The following TLK2 variants were observed in gnomAD, a reference collection of about 807,000 sequenced individuals.
TLK2 encodes the protein tousled like kinase 2.
In TLK2, 6 loss-of-function variants were observed where a neutral mutation model predicts 117.3. The ratio of observed to expected loss-of-function variants is 0.05; its 90% CI spans 0.03 to 0.10. The LOEUF is 0.10. Ranked by LOEUF, TLK2 falls within the 10% of genes least tolerant of loss-of-function variation. The pLI, the probability that TLK2 is intolerant of heterozygous loss-of-function variation, is 1.00. For synonymous variants in TLK2, 257 were observed against 316.7 expected, an observed-to-expected ratio of 0.81 and a Z score of 2.00; for missense variants, 299 against 901.2, an observed-to-expected ratio of 0.33 and a Z score of 8.56.
intron 1 of TLK2, among the ~76,000 whole-genome samples, chr17:62,471,653 A>AG (rs2070941530): frequency 1.1e-5 from 1 of 88,526 alleles, no homozygotes; most frequent in Non-Finnish European, 2.7e-5. Context: ...AGTATCAGAA[A>AG]GAGTTCTAAG....
At chr17:62,513,682 T>G (rs2075337233) in intron 2 of TLK2, among the ~76,000 whole-genome samples, 1 of 151,792 alleles carries the variant, frequency 6.6e-6, no homozygotes, top group Non-Finnish European at 1.5e-5. Flanking sequence ...TGTGGGTCTG[T>G]TTTTTTTGTT....
intron 6 of TLK2, among the ~76,000 whole-genome samples, chr17:62,527,221 C>T (rs184664677): frequency 6.6e-6 from 1 of 152,210 alleles, no homozygotes; most frequent in Admixed American, 6.5e-5. Context: ...GCCAACTTCT[C>T]TAAAATAGCA....
At chr17:62,526,691 C>T (rs1232223079) in intron 6 of TLK2, among the ~76,000 whole-genome samples, 1 of 106,966 alleles carries the variant, frequency 9.3e-6, no homozygotes, top group Non-Finnish European at 2.3e-5. Context: ...CTGCCTTGTC[C>T]TGGTAAATGA....
chr17:62,512,996 A>G (rs2075282988), intron 2 of TLK2, among the ~76,000 whole-genome samples: 1 of 151,080 alleles, frequency 6.6e-6, no homozygotes, highest in Non-Finnish European at 1.5e-5. Flanking sequence ...CTCCTGCCTC[A>G]GCCTCCCAGG....
At chr17:62,567,586 T>C (rs1354267853) in intron 11 of TLK2, among the ~76,000 whole-genome samples, 1 of 152,202 alleles carries the variant, frequency 6.6e-6, no homozygotes, top group Admixed American at 6.5e-5. Context: ...TTTCCTTCAG[T>C]ATAGAAATTG....
chr17:62,589,257 C>T (rs182684985), intron 16 of TLK2, among the ~76,000 whole-genome samples: 52 of 151,966 alleles, frequency 3.4e-4, no homozygotes, highest in African/African-American at 8.7e-4. Context: ...AAAATTCTGC[C>T]GTAGGAAAAA....
intron 2 of TLK2, among the ~76,000 whole-genome samples, chr17:62,512,038 G>A (rs1161144653): frequency 2.0e-5 from 3 of 152,128 alleles, no homozygotes; most frequent in African/African-American, 4.8e-5. Context: ...ATATATGTAA[G>A]TGATTCAGTT....
intron 2 of TLK2, among the ~76,000 whole-genome samples, chr17:62,499,805 C>T (rs1040099240): frequency 6.0e-5 from 9 of 150,390 alleles, no homozygotes; most frequent in African/African-American, 1.5e-4. Flanking sequence ...GAGCTGAGAT[C>T]GTGCAATTGC....
intron 7 of TLK2, among the ~76,000 whole-genome samples, chr17:62,544,526 A>G (rs1260539682): frequency 6.6e-6 from 1 of 152,168 alleles, no homozygotes; most frequent in Non-Finnish European, 1.5e-5. Context: ...GAGGAGTACA[A>G]TTCAACATGA....
chr17:62,546,360 T>TTTTTTTTTTTTTTTTTTTTTTTA (rs1555628571), intron 7 of TLK2, among the ~76,000 whole-genome samples: 1 of 98,862 alleles, frequency 1.0e-5, no homozygotes, highest in African/African-American at 3.5e-5. Flanking sequence ...TTTTTTTTTT[T>TTTTTTTTTTTTTTTTTTTTTTTA]ACATAATGAA....
At chr17:62,595,342 C>T (rs903629702) in intron 16 of TLK2, among the ~76,000 whole-genome samples, 3 of 148,928 alleles carry the variant, frequency 2.0e-5, no homozygotes, top group Non-Finnish European at 4.4e-5. Context: ...ATTTAAGGGC[C>T]TGCTGTATAG....
intron 6 of TLK2, among the ~76,000 whole-genome samples, chr17:62,530,526 T>C (rs192575642): frequency 3.9e-5 from 6 of 152,274 alleles, no homozygotes; most frequent in Admixed American, 3.9e-4. Flanking sequence ...TTGAAGTCAG[T>C]TGTATCTTCA....
intron 16 of TLK2, among the ~76,000 whole-genome samples, chr17:62,594,894 T>TA (rs1176894952): frequency 6.6e-6 from 1 of 151,868 alleles, no homozygotes; most frequent in Non-Finnish European, 1.5e-5. Flanking sequence ...GAAAGCAGAA[T>TA]AACCTGAGAA....
At chr17:62,611,587 C>A (rs1406744739) in intron 21 of TLK2, among the ~76,000 whole-genome samples, 1 of 152,218 alleles carries the variant, frequency 6.6e-6, no homozygotes, top group Non-Finnish European at 1.5e-5. Flanking sequence ...CACATCACAT[C>A]CTTGTCACCC....
At chr17:62,485,220 A>G (rs949549965) in intron 2 of TLK2, among the ~76,000 whole-genome samples, 6 of 152,174 alleles carry the variant, frequency 3.9e-5, no homozygotes, top group Admixed American at 3.9e-4. Context: ...ACTATTCATA[A>G]CATTTTTCAG....
At chr17:62,580,616 T>C (rs1302095597) in intron 15 of TLK2, among the ~76,000 whole-genome samples, 1 of 152,232 alleles carries the variant, frequency 6.6e-6, no homozygotes, top group Non-Finnish European at 1.5e-5. Flanking sequence ...AGAAGTGTTC[T>C]AATATCATTT....
At chr17:62,569,031 G>GGT (rs72091093) in intron 11 of TLK2, among the ~76,000 whole-genome samples, 1 of 151,468 alleles carries the variant, frequency 6.6e-6, no homozygotes, top group Non-Finnish European at 1.5e-5. Context: ...GGCTGGTTGT[G>GGT]GTGTGGCTCA....
chr17:62,495,060 G>C (rs1472749943), intron 2 of TLK2, among the ~76,000 whole-genome samples: 1 of 152,012 alleles, frequency 6.6e-6, no homozygotes, highest in Non-Finnish European at 1.5e-5. Flanking sequence ...TCAACTACTT[G>C]GGAGGCTGAG....
upstream of TLK2, among the ~76,000 whole-genome samples, chr17:62,475,721 G>A (rs1477630637): frequency 4.7e-5 from 7 of 148,970 alleles, 1 homozygote; most frequent in South Asian, 4.2e-4. Flanking sequence ...GTGCAGTGGT[G>A]TGATCTCGGC....
Sources: allele counts gnomAD v4.1 joint callset (sites outside exome capture counted in the v4.1 genomes callset), GRCh38; gene constraint gnomAD v4.1.1; transcripts MANE v1.5; gene names NCBI Gene and HGNC (gene_info 2026-07-23, HGNC 2026-07-21).